KCNC1: variants seen among roughly 807,000 people sequenced by gnomAD.
KCNC1 encodes the protein potassium voltage-gated channel subfamily C member 1, also known as voltage-gated potassium channel KCNC1.
KCNC1 carries 8 observed loss-of-function variants against 43.4 expected under a neutral mutation model. The observed-to-expected ratio is 0.18, with a 90% confidence interval of 0.11 to 0.33. The LOEUF (loss-of-function observed/expected upper bound fraction) is 0.33. Ranked by LOEUF, KCNC1 falls within the 10% of genes least tolerant of loss-of-function variation. The probability of loss-of-function intolerance (pLI) is 1.00; values close to 1 mark genes in which losing one functional copy is unlikely to be tolerated. For missense variants in KCNC1, 420 were observed against 836.0 expected (o/e 0.50, Z 6.14); for synonymous variants, 361 against 360.5 (o/e 1.00, Z -0.01).
At chr11:17,744,403 C>A (rs1390546016) in intron 1 of KCNC1, among the ~76,000 whole-genome samples, 1 of 152,200 alleles carries the variant, frequency 6.6e-6, no homozygotes. Flanking sequence ...GTCTAAAAAG[C>A]TTCCTCCTAC....
intron 1 of KCNC1, among the ~76,000 whole-genome samples, chr11:17,744,483 C>T (rs947016542): frequency 2.0e-5 from 3 of 152,226 alleles, no homozygotes; most frequent in Non-Finnish European, 4.4e-5. Flanking sequence ...CCCTGCCTGA[C>T]GGGCTCCCCC....
rs3051818 is a variant in KCNC1, at chr11:17,756,520, AACACACACACACAC to A, written c.571-15120_571-15107del. Reference sequence around the variant, plus strand: ...AGCCATTTTTATTCCCTTCCCTCCAAACACACACACACACACACACACACACACACACACACACG... The same window carrying A: ...AGCCATTTTTATTCCCTTCCCTCCAAACACACACACACACACACACACACG... On this transcript the variant is annotated intron_variant, in intron 1 of 3. Transcript: ENST00000265969. Among the ~76,000 whole-genome samples the A allele has an allele frequency of 8.5e-3, 1,231 of 143,990 alleles. 23 individuals are homozygous for A. The highest frequency in any genetic ancestry group is 0.03 in the African/African-American group (1,144 of 37,936). The allele number at this position is 143,990 out of a possible 152,430, so 94.5% of individuals were successfully genotyped here. A position where few individuals can be genotyped will look rare whatever the true frequency, so the allele number is the denominator to read the frequency against.
In KCNC1 at chr11:17,779,021, A is replaced by AG. The variant is rs1287670422; in HGVS notation, c.1505-431dup. Among the ~76,000 whole-genome samples the AG allele has an allele frequency of 1.3e-5, 2 of 151,900 alleles. No individual in the cohort carries two copies. The highest frequency in any genetic ancestry group is 4.8e-5 in the African/African-American group (2 of 41,352). On this transcript the variant is annotated intron_variant, in intron 2 of 3. Coordinates refer to ENST00000265969, the MANE Select transcript of KCNC1 (RefSeq NM_001112741.2). The surrounding 1 kb of genome is among the most constrained non-coding windows in gnomAD (Gnocchi z 7.2). The stretch of plus-strand genomic sequence containing the variant: ...GCAGCCGGGCTCTGGTCAGCAGCAG[A>AG]GGGGTCCGGAAAGGCCCCTCTCTGG...
At chr11:17,752,523 T>G (rs1224988718) in intron 1 of KCNC1, among the ~76,000 whole-genome samples, 1 of 152,276 alleles carries the variant, frequency 6.6e-6, no homozygotes, top group Non-Finnish European at 1.5e-5. Flanking sequence ...CCCACCCTCG[T>G]GCAAACTCAT....
At chr11:17,758,656 CA>C in intron 1 of KCNC1, among the ~76,000 whole-genome samples, 1 of 152,354 alleles carries the variant, frequency 6.6e-6, no homozygotes, top group South Asian at 2.1e-4. Context: ...TCTCCTTGTA[CA>C]TCTCTATCAG....
rs1848759380 is a variant in KCNC1 at position 17,735,887 on chromosome 11, C to T, written c.-116C>T. ...CAGAGCCGCAGGCCTCTGTTCCCCC[C>T]GACGGCTGGGGGGAGGGGGGAAGAG... is the stretch of plus-strand genomic sequence containing the variant. On this transcript the variant is annotated 5_prime_UTR_variant, in exon 1 of 4. Coordinates refer to ENST00000265969, the MANE Select transcript of KCNC1 (RefSeq NM_001112741.2). This position sits in a 1 kb window ranked among gnomAD's most constrained non-coding sequence, Gnocchi z 6.7. The T allele has an allele frequency of 2.4e-6, 3 of 1,230,978 alleles. No individual in the cohort carries two copies. Among genetic ancestry groups the T allele is most frequent in the Non-Finnish European group, 2.1e-6 (2 of 941,400 alleles). 76.3% of individuals were successfully genotyped at this position (1,230,978 alleles called of 1,614,324 possible).
chr11:17,737,899 A>AGGAGACTTG (rs1260700940), intron 1 of KCNC1, among the ~76,000 whole-genome samples: 1 of 151,332 alleles, frequency 6.6e-6, no homozygotes. Context: ...GAGTGGAGGG[A>AGGAGACTTG]GGAGACTTGG....
Position 17,781,646 on chromosome 11 carries a change from G to A in KCNC1, c.1694-24G>A. 2.0e-6 allele frequency: 3 copies of A among 1,501,196 alleles called. No individual in the cohort carries two copies. Among genetic ancestry groups the A allele is most frequent in the Middle Eastern group, 3.4e-4 (2 of 5,898 alleles). 93.0% of individuals were successfully genotyped at this position (1,501,196 alleles called of 1,614,324 possible). On this transcript the variant is annotated intron_variant, in intron 3 of 3. Coordinates refer to ENST00000265969, the MANE Select transcript of KCNC1 (RefSeq NM_001112741.2). This position sits in a 1 kb window ranked among gnomAD's most constrained non-coding sequence, Gnocchi z 5.1. ...GAGAGCCAAGAAGAGAAGCTCAAGT[G>A]TTAATTGTATTCTTTACATACAGAT...
In KCNC1 at chr11:17,777,702, A is replaced by T. The variant is rs1171870603; in HGVS notation, c.1505-1754A>T. 4 of 985,858 alleles carry T rather than the reference A, an allele frequency of 4.1e-6. No homozygotes were observed. In the East Asian group the frequency reaches 4.5e-4, roughly 112 times the overall value. The allele number at this position is 985,858 out of a possible 1,614,324, so 61.1% of individuals were successfully genotyped here. ...GAAGTGAAGCCCCTGGGATTTGTCG[A>T]GAAACGCACTGTACGTGAAATGCTT... On this transcript the variant is annotated intron_variant, in intron 2 of 3. Transcript: ENST00000265969. This position sits in a 1 kb window ranked among gnomAD's most constrained non-coding sequence, Gnocchi z 4.3.
chr11:17,772,860 C>G lies in KCNC1; in HGVS notation c.1504+262C>G, dbSNP rs574105154. Reference sequence around the variant, plus strand: ...GTCTCGTGATGTTCTGAAGAGACAACGCGGCCCGCCAGGTTGCTGAGGACT... The same window carrying G: ...GTCTCGTGATGTTCTGAAGAGACAAGGCGGCCCGCCAGGTTGCTGAGGACT... On this transcript the variant is annotated intron_variant, in intron 2 of 3. Transcript: ENST00000265969. The G allele has an allele frequency of 6.1e-6, 8 of 1,317,034 alleles. No homozygotes were observed. In the African/African-American group the frequency reaches 1.2e-4, roughly 20 times the overall value. The allele number at this position is 1,317,034 out of a possible 1,614,324, so 81.6% of individuals were successfully genotyped here.
intron 1 of KCNC1, among the ~76,000 whole-genome samples, chr11:17,741,355 T>C (rs1194614629): frequency 6.6e-6 from 1 of 152,092 alleles, no homozygotes; most frequent in Non-Finnish European, 1.5e-5. Flanking sequence ...AGGTAATGCT[T>C]GGACAGCCCC....
intron 1 of KCNC1, among the ~76,000 whole-genome samples, chr11:17,746,265 T>C (rs1415229914): frequency 6.6e-6 from 1 of 152,224 alleles, no homozygotes; most frequent in Non-Finnish European, 1.5e-5. Context: ...GCCCACCTGC[T>C]GGTGTCACCA....
At position 17,776,908 on chromosome 11, in the gene KCNC1, G is replaced by A. The variant is rs193278029; in HGVS notation, c.1505-2548G>A. On this transcript the variant is annotated intron_variant, in intron 2 of 3. Coordinates refer to ENST00000265969, the MANE Select transcript of KCNC1 (RefSeq NM_001112741.2). This position sits in a 1 kb window ranked among gnomAD's most constrained non-coding sequence, Gnocchi z 4.4. ...CCATAGATAGACGAACAGCCCAGGG[G>A]CCTGGGCCCCTTCACAGAGCAAGAC... The A allele has an allele frequency of 1.9e-4, 190 of 985,482 alleles. No individual in the cohort carries two copies. In the African/African-American group the frequency reaches 3.2e-3, roughly 16 times the overall value. The allele number at this position is 985,482 out of a possible 1,614,324, so 61.0% of individuals were successfully genotyped here.
intron 1 of KCNC1, among the ~76,000 whole-genome samples, chr11:17,766,362 C>T (rs947451414): frequency 1.3e-5 from 2 of 152,100 alleles, no homozygotes; most frequent in South Asian, 2.1e-4. Flanking sequence ...ATGTGCTCTG[C>T]GTCACTGTGT....
At chr11:17,769,482 A>C (rs369678603) in intron 1 of KCNC1, among the ~76,000 whole-genome samples, 75 of 152,200 alleles carry the variant, frequency 4.9e-4, no homozygotes, top group African/African-American at 1.8e-3. Context: ...ATGAATTAAA[A>C]AGGATGAATG....
intron 1 of KCNC1, among the ~76,000 whole-genome samples, chr11:17,754,406 G>A (rs932096976): frequency 4.6e-5 from 7 of 152,212 alleles, no homozygotes; most frequent in African/African-American, 1.7e-4. Context: ...TGAAATCAAC[G>A]ATTGTGTACA....
chr11:17,738,746 T>A (rs1296462750), intron 1 of KCNC1, among the ~76,000 whole-genome samples: 2 of 152,206 alleles, frequency 1.3e-5, no homozygotes, highest in African/African-American at 2.4e-5. Flanking sequence ...GAAAAAAATC[T>A]CTGAAGTGAA....
At chr11:17,747,614 G>A (rs1176102642) in intron 1 of KCNC1, among the ~76,000 whole-genome samples, 1 of 152,292 alleles carries the variant, frequency 6.6e-6, no homozygotes, top group East Asian at 1.9e-4. Context: ...GGGCTGCTCC[G>A]CCAGGCCGAC....
rs1014738119 is a variant in KCNC1, at chr11:17,779,753, G to A, written c.1693+109G>A. On this transcript the variant is annotated intron_variant, in intron 3 of 3. Coordinates refer to ENST00000265969, the MANE Select transcript of KCNC1 (RefSeq NM_001112741.2). The surrounding 1 kb of genome is among the most constrained non-coding windows in gnomAD (Gnocchi z 7.2). ...GCGCTGAGGGGCAGGCAGGCACACC[G>A]AGGGGGGCAAGGATGGAGGGAATCT... 2.3e-5 allele frequency: 20 copies of A among 888,198 alleles called. No homozygotes were observed. In the Admixed American group the frequency reaches 4.3e-4, roughly 19 times the overall value. 55.0% of individuals were successfully genotyped at this position (888,198 alleles called of 1,614,324 possible). A position where few individuals can be genotyped will look rare whatever the true frequency, so the allele number is the denominator to read the frequency against.
Sources: allele counts gnomAD v4.1 joint callset (sites outside exome capture counted in the v4.1 genomes callset), GRCh38; gene constraint gnomAD v4.1.1; non-coding constraint Gnocchi (gnomAD v3.1); transcripts MANE v1.5; gene names NCBI Gene and HGNC (gene_info 2026-07-23, HGNC 2026-07-21).